NME7: variants seen among roughly 807,000 people sequenced by gnomAD.
The protein encoded by NME7 is nucleoside diphosphate kinase 7.
A neutral mutation model predicts 49.1 loss-of-function variants in NME7; 41 were observed. The ratio of observed to expected loss-of-function variants is 0.83; its 90% CI spans 0.65 to 1.08. The LOEUF (loss-of-function observed/expected upper bound fraction) is 1.08, where lower values mean the gene tolerates loss of function less well. NME7 is among the 50% of genes least tolerant of loss of function. The probability of loss-of-function intolerance (pLI) is 0.00; values close to 1 mark genes in which losing one functional copy is unlikely to be tolerated. For synonymous variants in NME7, 139 were observed against 150.6 expected, an observed-to-expected ratio of 0.92 and a Z score of 0.56; for missense variants, 423 against 463.4, an observed-to-expected ratio of 0.91 and a Z score of 0.80.
chr1:169,320,755 T>C (rs189147732), intron 3 of NME7, among the ~76,000 whole-genome samples: 101 of 152,298 alleles, frequency 6.6e-4, no homozygotes, highest in Admixed American at 3.1e-3. Context: ...GTAAAATATA[T>C]ACTACATATA....
intron 1 of NME7, among the ~76,000 whole-genome samples, chr1:169,365,446 C>T (rs1385862228): frequency 6.6e-6 from 1 of 152,136 alleles, no homozygotes; most frequent in Non-Finnish European, 1.5e-5. Flanking sequence ...CAAGAGGGTG[C>T]AAGTATTCTG....
chr1:169,150,099 G>A (rs750146580), intron 11 of NME7, among the ~76,000 whole-genome samples: 1 of 152,154 alleles, frequency 6.6e-6, no homozygotes, highest in Non-Finnish European at 1.5e-5. Context: ...CTGAGCACAG[G>A]AATTCAAGGC....
chr1:169,351,110 G>T (rs1239218577), intron 1 of NME7, among the ~76,000 whole-genome samples: 1 of 151,390 alleles, frequency 6.6e-6, no homozygotes, highest in Admixed American at 6.6e-5. Context: ...CCTACAACTG[G>T]AATAAAATTC....
Position 169,132,806 on chromosome 1 carries a change from G to GAAGTAAGT in NME7, c.1109_1110insACTTACTT (p.Phe370LeufsTer24). On this transcript the variant is annotated frameshift_variant, in exon 12 of 12. Coordinates refer to ENST00000367811, the MANE Select transcript of NME7 (RefSeq NM_013330.5). LOFTEE classifies it high-confidence loss of function. Reference sequence around the variant, plus strand: ...ACCACTAATTATCCAAGATCTTGAAGAAGTATTGAACCTGAAACGGAGAAA... The same window carrying GAAGTAAGT: ...ACCACTAATTATCCAAGATCTTGAAGAAGTAAGTAAGTATTGAACCTGAAACGGAGAAA... 6.2e-7 allele frequency: 1 copy of GAAGTAAGT among 1,613,140 alleles called. No individual in the cohort carries two copies. Among genetic ancestry groups the GAAGTAAGT allele is most frequent in the Non-Finnish European group, 8.5e-7 (1 of 1,179,650 alleles).
At chr1:169,165,828 T>G (rs1659398811) in intron 11 of NME7, among the ~76,000 whole-genome samples, 1 of 152,226 alleles carries the variant, frequency 6.6e-6, no homozygotes, top group African/African-American at 2.4e-5. Flanking sequence ...TTATTTCATT[T>G]TATTGATAAA....
chr1:169,246,967 T>C, intron 7 of NME7: 1 of 440,698 alleles, frequency 2.3e-6, no homozygotes, highest in South Asian at 1.6e-5. Flanking sequence ...GAGTAGAAAA[T>C]AATAAAAACA....
At chr1:169,206,847 G>A (rs1257297011) in intron 10 of NME7, among the ~76,000 whole-genome samples, 1 of 149,840 alleles carries the variant, frequency 6.7e-6, no homozygotes, top group African/African-American at 2.4e-5. Context: ...ATTTCTGGTG[G>A]TTGCTAAGTT....
chr1:169,336,242 ACAGCTCATAAAAG>A (rs1652466866), intron 1 of NME7, among the ~76,000 whole-genome samples: 1 of 152,100 alleles, frequency 6.6e-6, no homozygotes, highest in Non-Finnish European at 1.5e-5. Flanking sequence ...GGTGAGTGTT[ACAGCTCATAAAAG>A]CAGCATGGAC....
At chr1:169,270,792 T>G (rs1239345195) in intron 7 of NME7, among the ~76,000 whole-genome samples, 1 of 133,548 alleles carries the variant, frequency 7.5e-6, no homozygotes, top group Non-Finnish European at 1.8e-5. Context: ...ATTCTCATTT[T>G]AGAAATAAGG....
At chr1:169,273,514 GGTTA>G (rs1429145740) in intron 7 of NME7, among the ~76,000 whole-genome samples, 1 of 130,536 alleles carries the variant, frequency 7.7e-6, no homozygotes, top group Non-Finnish European at 1.8e-5. Flanking sequence ...ACAATGTGCA[GGTTA>G]GTTACATATG....
In NME7 at chr1:169,267,409, A is replaced by G. The variant is rs989865610; in HGVS notation, c.754+19894T>C. Among the ~76,000 whole-genome samples the G allele has an allele frequency of 9.0e-5, 12 of 133,914 alleles. 2 individuals are homozygous for G. The highest frequency in any genetic ancestry group is 3.0e-4 in the African/African-American group (12 of 39,436). The allele number at this position is 133,914 out of a possible 152,430, so 87.9% of individuals were successfully genotyped here. ...CCAGTGACATTCTTCACAAACTGGA[A>G]AAAAACTATTTTAATGTTCATATTG... On this transcript the variant is annotated intron_variant, in intron 7 of 11. Coordinates refer to ENST00000367811, the MANE Select transcript of NME7 (RefSeq NM_013330.5).
intron 4 of NME7, among the ~76,000 whole-genome samples, chr1:169,304,564 T>G (rs1219789149): frequency 6.6e-6 from 1 of 152,056 alleles, no homozygotes; most frequent in Non-Finnish European, 1.5e-5. Flanking sequence ...TCCCGAGACA[T>G]GGAAAGGAGA....
chr1:169,193,267 T>C (rs139676092), intron 10 of NME7, among the ~76,000 whole-genome samples: 21 of 152,310 alleles, frequency 1.4e-4, no homozygotes, highest in African/African-American at 4.8e-4. Flanking sequence ...GGGTGGCACA[T>C]GTCTGCTGAT....
At chr1:169,312,440 C>T (rs888600708) in intron 3 of NME7, among the ~76,000 whole-genome samples, 1 of 152,194 alleles carries the variant, frequency 6.6e-6, no homozygotes, top group African/African-American at 2.4e-5. Context: ...ACTTAGTAAT[C>T]CTCTTGCCTG....
At chr1:169,144,358 G>C (rs1658691185) in intron 11 of NME7, among the ~76,000 whole-genome samples, 1 of 152,120 alleles carries the variant, frequency 6.6e-6, no homozygotes, top group Non-Finnish European at 1.5e-5. Context: ...CATTACAAGA[G>C]AATATATTAT....
intron 11 of NME7, among the ~76,000 whole-genome samples, chr1:169,157,193 AAG>A (rs1362826822): frequency 3.9e-5 from 6 of 152,126 alleles, no homozygotes; most frequent in Non-Finnish European, 7.4e-5. Flanking sequence ...CCGCCACATA[AAG>A]AGAGAGAGGG....
chr1:169,356,746 C>T (rs1471602007), intron 1 of NME7, among the ~76,000 whole-genome samples: 11 of 152,088 alleles, frequency 7.2e-5, no homozygotes, highest in Admixed American at 7.2e-4. Context: ...AGGCTGAACC[C>T]TGAAGAATGA....
chr1:169,216,898 A>C (rs1170801497), intron 10 of NME7, among the ~76,000 whole-genome samples: 1 of 152,232 alleles, frequency 6.6e-6, no homozygotes, highest in Non-Finnish European at 1.5e-5. Context: ...ATATAAAAGC[A>C]GAAGAATAAC....
At chr1:169,187,503 C>T (rs1274943674) in intron 10 of NME7, among the ~76,000 whole-genome samples, 1 of 151,898 alleles carries the variant, frequency 6.6e-6, no homozygotes, top group Admixed American at 6.6e-5. Flanking sequence ...TATGTAATAC[C>T]CTTCTTTGTC....
Sources: gnomAD v4.1 joint callset for allele counts (sites outside exome capture counted in the v4.1 genomes callset) on GRCh38, gnomAD v4.1.1 for gene constraint, MANE v1.5 for transcripts, NCBI Gene and HGNC (gene_info 2026-07-23, HGNC 2026-07-21) for gene names.